MRE11: variants seen among roughly 807,000 people sequenced by gnomAD.
MRE11 encodes MRE11 double strand break repair nuclease.
A neutral mutation model predicts 91.7 loss-of-function variants in MRE11; 62 were observed. The ratio of observed to expected loss-of-function variants is 0.68; its 90% CI spans 0.55 to 0.84. The LOEUF (loss-of-function observed/expected upper bound fraction) is 0.84, where lower values mean the gene tolerates loss of function less well. Among genes scored for constraint, MRE11 ranks in the 40% least tolerant of loss-of-function variants. The probability of loss-of-function intolerance (pLI) is 0.00; values close to 1 mark genes in which losing one functional copy is unlikely to be tolerated. For missense variants in MRE11, 796 were observed against 852.9 expected (o/e 0.93, Z 0.83); for synonymous variants, 273 against 271.4 (o/e 1.01, Z -0.06).
intron 11 of MRE11, among the ~76,000 whole-genome samples, chr11:94,461,760 T>G (rs1175103460): frequency 6.6e-6 from 1 of 152,176 alleles, no homozygotes; most frequent in East Asian, 1.9e-4. Context: ...ATAAGCAACT[T>G]CAGCAAAGTC....
At chr11:94,436,025 A>G in intron 17 of MRE11, 126 bp from the exon 18 acceptor site, 1 of 843,848 alleles carries the variant, frequency 1.2e-6, no homozygotes, top group Admixed American at 1.9e-5. Flanking sequence ...GGAGACAGAA[A>G]GCCATAACCA....
chr11:94,457,396 G>C (rs754553581), intron 13 of MRE11, among the ~76,000 whole-genome samples: 1 of 152,216 alleles, frequency 6.6e-6, no homozygotes, highest in Non-Finnish European at 1.5e-5. Context: ...TTCTGCTCTA[G>C]AAGAGGAACA....
intron 19 of MRE11, among the ~76,000 whole-genome samples, chr11:94,426,897 T>A (rs1945336617): frequency 6.6e-6 from 1 of 151,976 alleles, no homozygotes. Context: ...ATTCTGAAAT[T>A]AATCAGTAAT....
chr11:94,470,719 T>C, intron 8 of MRE11, 77 bp from the exon 9 acceptor site: 1 of 1,425,914 alleles, frequency 7.0e-7, no homozygotes, highest in Non-Finnish European at 9.8e-7. Flanking sequence ...GCTTTCATAT[T>C]TCTTAGTTTC....
intron 13 of MRE11, 86 bp from the exon 14 acceptor site, chr11:94,456,424 T>G: frequency 9.5e-7 from 1 of 1,056,186 alleles, no homozygotes; most frequent in Non-Finnish European, 1.4e-6. Flanking sequence ...AAGAAATGCT[T>G]TATGTTATAA....
intron 14 of MRE11, among the ~76,000 whole-genome samples, chr11:94,454,068 A>T (rs1946186182): frequency 6.7e-6 from 1 of 150,164 alleles, no homozygotes; most frequent in Non-Finnish European, 1.5e-5. Context: ...CTATGTGAAC[A>T]AAAGATTTTT....
intron 11 of MRE11, among the ~76,000 whole-genome samples, chr11:94,463,632 G>A (rs1170466806): frequency 6.6e-6 from 1 of 152,074 alleles, no homozygotes; most frequent in Non-Finnish European, 1.5e-5. Context: ...TCCTTTGTAG[G>A]GACATGGATG....
chr11:94,457,913 A>ACC (rs71459727), intron 13 of MRE11, among the ~76,000 whole-genome samples: 15 of 146,590 alleles, frequency 1.0e-4, no homozygotes, highest in Admixed American at 2.1e-4. Flanking sequence ...ACACACACAC[A>ACC]CCCCACACAG....
intron 2 of MRE11, among the ~76,000 whole-genome samples, chr11:94,491,315 G>T (rs1327810173): frequency 6.6e-6 from 1 of 151,964 alleles, no homozygotes; most frequent in East Asian, 1.9e-4. Context: ...ATCTGACTTC[G>T]TACTCTTCCA....
At chr11:94,453,410 A>C (rs995128839) in intron 14 of MRE11, among the ~76,000 whole-genome samples, 8 of 152,310 alleles carry the variant, frequency 5.3e-5, no homozygotes, top group Admixed American at 3.9e-4. Context: ...TTTCCTCAGT[A>C]GCTGACCCAT....
In MRE11 at chr11:94,493,793, C is replaced by T. The variant is rs1344886129; in HGVS notation, c.-108G>A. The T allele has an allele frequency of 6.6e-6, 1 of 152,248 alleles. No individual in the cohort carries two copies. The highest frequency in any genetic ancestry group is 1.9e-4 in the East Asian group (1 of 5,174). 9.4% of individuals were successfully genotyped at this position (152,248 alleles called of 1,614,324 possible). A position where few individuals can be genotyped will look rare whatever the true frequency, so the allele number is the denominator to read the frequency against. Reference sequence around the variant, plus strand: ...AAAACAACACGGTCTGAACTTGCCTCTGAGAACCCGCAGGGCCGTAAACCT... The same window carrying T: ...AAAACAACACGGTCTGAACTTGCCTTTGAGAACCCGCAGGGCCGTAAACCT... On this transcript the variant is annotated splice_region_variant and 5_prime_UTR_variant, in exon 1 of 20. Coordinates refer to ENST00000323929, the MANE Select transcript of MRE11 (RefSeq NM_005591.4).
chr11:94,461,535 G>C, intron 11 of MRE11, among the ~76,000 whole-genome samples: 1 of 152,120 alleles, frequency 6.6e-6, no homozygotes, highest in East Asian at 1.9e-4. Flanking sequence ...ACAAAAACTG[G>C]AAGCATTCCC....
intron 16 of MRE11, among the ~76,000 whole-genome samples, chr11:94,438,777 C>T (rs1215419355): frequency 6.6e-6 from 1 of 152,168 alleles, no homozygotes. Context: ...TATGGCCAAG[C>T]TCCTTGGCTT....
chr11:94,456,878 A>C lies in MRE11; in HGVS notation c.1501-540T>G, dbSNP rs149524091. ...GTTTCTTTTTTAATGGTTCCTGCTC[A>C]CAAGGCTCTTATTATACAGCTATGT... On this transcript the variant is annotated intron_variant, in intron 13 of 19. Transcript: ENST00000323929. Among the ~76,000 whole-genome samples the C allele has an allele frequency of 2.6e-5, 4 of 152,326 alleles. No homozygotes were observed. In the East Asian group the frequency reaches 7.7e-4, roughly 29 times the overall value.
intron 16 of MRE11, 200 bp downstream of exon 16, chr11:94,445,610 T>C (rs529739635): frequency 4.7e-5 from 25 of 533,818 alleles, no homozygotes; most frequent in African/African-American, 4.2e-4. Flanking sequence ...GCCTGGCCTA[T>C]AAAACATGAT....
In MRE11 at chr11:94,457,694, C is replaced by T. The variant is rs13447676; in HGVS notation, c.1501-1356G>A. On this transcript the variant is annotated intron_variant, in intron 13 of 19. Coordinates refer to ENST00000323929, the MANE Select transcript of MRE11 (RefSeq NM_005591.4). ...GGATTAATTCTTCTAATCCTTACAA[C>T]AACCTTGAAGGAGGGCCTATTATCA... Among the ~76,000 whole-genome samples the T allele has an allele frequency of 2.0e-3, 299 of 152,232 alleles. 2 individuals are homozygous for T. The highest frequency in any genetic ancestry group is 8.1e-3 in the South Asian group (39 of 4,822).
intron 6 of MRE11, 98 bp downstream of exon 6, chr11:94,478,637 G>A: frequency 7.2e-7 from 1 of 1,381,706 alleles, no homozygotes; most frequent in East Asian, 2.4e-5. Context: ...AATAAGGTTT[G>A]CCCCATTTTT....
At position 94,471,646 on chromosome 11, in the gene MRE11, T is replaced by C. The variant is rs761771002; in HGVS notation, c.773A>G (p.Gln258Arg). 9 of 1,612,826 alleles carry C rather than the reference T, an allele frequency of 5.6e-6. No individual in the cohort carries two copies. The highest frequency in any genetic ancestry group is 3.3e-5 in the Admixed American group (2 of 59,900). Residue 258 changes from glutamine (Q) to arginine (R), a missense_variant, in exon 8 of 20, where the codon CAA becomes CGA. Transcript: ENST00000323929. ...ECKIAPTKNEQQLFYISQPGS... is the reference protein window; with the variant it reads ...ECKIAPTKNERQLFYISQPGS... ...AGGTTGTGAGATATAAAACAGCTGT[T>C]GTTCATTTTTGGTTGGAGCTATTTT... is the stretch of plus-strand genomic sequence containing the variant.
intron 16 of MRE11, among the ~76,000 whole-genome samples, chr11:94,438,005 G>A (rs1945670198): frequency 2.0e-5 from 3 of 152,212 alleles, no homozygotes; most frequent in South Asian, 2.1e-4. Context: ...GCAGGTGCCT[G>A]TAATCCCAGC....
Sources: allele counts gnomAD v4.1 joint callset (sites outside exome capture counted in the v4.1 genomes callset), GRCh38; gene constraint gnomAD v4.1.1; transcripts MANE v1.5; gene names NCBI Gene and HGNC (gene_info 2026-07-23, HGNC 2026-07-21).